Variants in SORCS3 observed in about 807,000 individuals in gnomAD.
SORCS3 encodes the protein VPS10 domain-containing receptor SorCS3.
SORCS3 carries 57 observed loss-of-function variants against 146.3 expected under a neutral mutation model. The observed-to-expected ratio is 0.39, with a 90% CI of 0.31 to 0.49. SORCS3 has a LOEUF of 0.49. Among genes scored for constraint, SORCS3 ranks in the 20% least tolerant of loss-of-function variants. The pLI, the probability that SORCS3 is intolerant of heterozygous loss-of-function variation, is 0.92. For missense variants in SORCS3, 1,341 were observed against 1,575.5 expected, an observed-to-expected ratio of 0.85 and a Z score of 2.52; for synonymous variants, 653 against 618.5, an observed-to-expected ratio of 1.06 and a Z score of -0.83.
rs575653256 is a variant in SORCS3, at chr10:104,818,437, A to G, written c.628-24355A>G. 6.1e-4 allele frequency among the ~76,000 whole-genome samples: 77 copies of G among 125,264 alleles called. 1 individual carries two copies. The South Asian group carries it at 0.02, about 33-fold the overall frequency. The allele number at this position is 125,264 out of a possible 152,430, so 82.2% of individuals were successfully genotyped here. A position where few individuals can be genotyped will look rare whatever the true frequency, so the allele number is the denominator to read the frequency against. ...CTTTTTTTTTTGGAGCTGGTCCTCT[A>G]GCATGTGAATCTTAAGAGGTGGGGA... On this transcript the variant is annotated intron_variant, in intron 1 of 26. Transcript: ENST00000369701.
At chr10:104,962,870 T>C (rs1024302540) in intron 3 of SORCS3, among the ~76,000 whole-genome samples, 1 of 152,358 alleles carries the variant, frequency 6.6e-6, no homozygotes, top group Admixed American at 6.5e-5. Context: ...TTTCAAGTTA[T>C]CTACTATGGA....
intron 1 of SORCS3, among the ~76,000 whole-genome samples, chr10:104,834,212 CA>C (rs1027250805): frequency 2.2e-4 from 34 of 152,154 alleles, no homozygotes; most frequent in African/African-American, 7.5e-4. Flanking sequence ...ACACAGCAAC[CA>C]GAGTGATCTT....
At chr10:105,112,708 G>A (rs1401336747) in intron 7 of SORCS3, among the ~76,000 whole-genome samples, 2 of 152,148 alleles carry the variant, frequency 1.3e-5, no homozygotes, top group Admixed American at 6.5e-5. Context: ...ACTGGACATT[G>A]AGGATTGTGC....
intron 1 of SORCS3, among the ~76,000 whole-genome samples, chr10:104,725,712 G>T (rs1475360005): frequency 6.6e-6 from 1 of 152,336 alleles, no homozygotes; most frequent in Non-Finnish European, 1.5e-5. Flanking sequence ...CCACCTTGCA[G>T]TTTGATCTCA....
intron 8 of SORCS3, among the ~76,000 whole-genome samples, chr10:105,147,342 G>T (rs1399083751): frequency 6.6e-6 from 1 of 152,024 alleles, no homozygotes; most frequent in Non-Finnish European, 1.5e-5. Context: ...TAAATTTTAG[G>T]TATAACAATA....
At chr10:104,681,237 C>CGGAAAA (rs1198100977) in intron 1 of SORCS3, among the ~76,000 whole-genome samples, 10 of 152,166 alleles carry the variant, frequency 6.6e-5, no homozygotes, top group African/African-American at 2.4e-4. Context: ...TTGCTTTTTC[C>CGGAAAA]AGCCTGAGAG....
intron 1 of SORCS3, among the ~76,000 whole-genome samples, chr10:104,682,125 G>A (rs1258536294): frequency 1.3e-5 from 2 of 152,184 alleles, no homozygotes; most frequent in African/African-American, 4.8e-5. Context: ...AAGGCAAGGT[G>A]GTAGAAACAT....
chr10:105,090,582 T>C (rs559232727), intron 6 of SORCS3, among the ~76,000 whole-genome samples: 2 of 152,302 alleles, frequency 1.3e-5, no homozygotes, highest in South Asian at 2.1e-4. Context: ...AAAATATAAT[T>C]AGCATAGATT....
At chr10:105,183,596 T>G (rs2056456586) in intron 14 of SORCS3, among the ~76,000 whole-genome samples, 1 of 152,160 alleles carries the variant, frequency 6.6e-6, no homozygotes, top group Admixed American at 6.5e-5. Context: ...AAGAGCCTGA[T>G]TTTACTTTGC....
chr10:105,156,071 G>A (rs1001191980), intron 9 of SORCS3, among the ~76,000 whole-genome samples: 2 of 152,168 alleles, frequency 1.3e-5, no homozygotes, highest in African/African-American at 4.8e-5. Flanking sequence ...TCTCCGAAGT[G>A]AGTAAACCTC....
chr10:104,720,851 A>G (rs954067450), intron 1 of SORCS3, among the ~76,000 whole-genome samples: 4 of 152,078 alleles, frequency 2.6e-5, no homozygotes, highest in South Asian at 2.1e-4. Flanking sequence ...AATTTGTTTG[A>G]GTTCATTGTA....
chr10:104,758,111 T>C (rs1444466478), intron 1 of SORCS3, among the ~76,000 whole-genome samples: 3 of 152,164 alleles, frequency 2.0e-5, no homozygotes, highest in African/African-American at 4.8e-5. Flanking sequence ...GCCCCAGCAA[T>C]GAATAGGACT....
chr10:104,979,159 T>G (rs1420787891), intron 4 of SORCS3, among the ~76,000 whole-genome samples: 1 of 152,184 alleles, frequency 6.6e-6, no homozygotes, highest in African/African-American at 2.4e-5. Context: ...AATGAGATTT[T>G]GTGTTGATTT....
intron 3 of SORCS3, among the ~76,000 whole-genome samples, chr10:104,920,886 CTATT>C (rs2133603420): frequency 6.6e-6 from 1 of 152,298 alleles, no homozygotes; most frequent in African/African-American, 2.4e-5. Flanking sequence ...CCCACTCTGA[CTATT>C]TGATGTGAAT....
intron 5 of SORCS3, among the ~76,000 whole-genome samples, chr10:105,053,851 G>A (rs1013803033): frequency 6.6e-6 from 1 of 151,900 alleles, no homozygotes; most frequent in African/African-American, 2.4e-5. Flanking sequence ...AAACATTTAA[G>A]TAATTATTTG....
chr10:104,816,636 C>T (rs970406286), intron 1 of SORCS3, among the ~76,000 whole-genome samples: 4 of 152,166 alleles, frequency 2.6e-5, no homozygotes, highest in African/African-American at 7.2e-5. Context: ...CAGGGGCTGG[C>T]GTCTGTTCAG....
At chr10:105,037,362 C>A (rs1157091701) in intron 4 of SORCS3, among the ~76,000 whole-genome samples, 1 of 152,160 alleles carries the variant, frequency 6.6e-6, no homozygotes, top group Non-Finnish European at 1.5e-5. Flanking sequence ...TGTGACAAAG[C>A]CCCATGAACT....
At chr10:105,202,530 A>G (rs1195314936) in intron 16 of SORCS3, among the ~76,000 whole-genome samples, 1 of 152,090 alleles carries the variant, frequency 6.6e-6, no homozygotes, top group Non-Finnish European at 1.5e-5. Context: ...GGCACAGTCT[A>G]GTATATCCCT....
chr10:104,779,682 T>C (rs2133490759), intron 1 of SORCS3, among the ~76,000 whole-genome samples: 1 of 152,246 alleles, frequency 6.6e-6, no homozygotes, highest in East Asian at 1.9e-4. Context: ...ATCCTGCACC[T>C]GGTCTCCTGC....
Sources: allele counts gnomAD v4.1 joint callset (sites outside exome capture counted in the v4.1 genomes callset), GRCh38; gene constraint gnomAD v4.1.1; transcripts MANE v1.5; gene names NCBI Gene and HGNC (gene_info 2026-07-23, HGNC 2026-07-21).